Variants in GLYATL2 observed in about 807,000 individuals in gnomAD.
The protein encoded by GLYATL2 is glycine N-acyltransferase-like protein 2.
Under a neutral mutation model 21.4 loss-of-function variants are expected in GLYATL2, and 25 were observed. That is an observed-to-expected ratio of 1.17 (90% CI 0.85 to 1.63). The LOEUF (loss-of-function observed/expected upper bound fraction) is 1.63. GLYATL2 is among the 40% of genes most tolerant of loss of function. The probability of loss-of-function intolerance (pLI) is 0.00; values close to 1 mark genes in which losing one functional copy is unlikely to be tolerated. For missense variants in GLYATL2, 361 were observed against 343.3 expected, an observed-to-expected ratio of 1.05 and a Z score of -0.41; for synonymous variants, 114 against 118.2, an observed-to-expected ratio of 0.96 and a Z score of 0.23.
At chr11:58,852,644 C>CT (rs1355620868) in intron 1 of GLYATL2, among the ~76,000 whole-genome samples, 3 of 152,174 alleles carry the variant, frequency 2.0e-5, no homozygotes, top group Non-Finnish European at 4.4e-5. Context: ...GCCACAGAAC[C>CT]TTTGCCAAGA....
intron 3 of GLYATL2, among the ~76,000 whole-genome samples, chr11:58,837,860 G>C (rs1853468445): frequency 6.6e-6 from 1 of 152,204 alleles, no homozygotes; most frequent in Admixed American, 6.5e-5. Context: ...CAGAGCCAGA[G>C]TAGTACCTAG....
chr11:58,905,453 A>G (rs541967442), upstream of GLYATL2: 7 of 455,912 alleles, frequency 1.5e-5, no homozygotes, highest in Admixed American at 2.3e-5. Context: ...CAATGGCCAC[A>G]CACCGAAGCA....
intron 1 of GLYATL2, among the ~76,000 whole-genome samples, chr11:58,890,715 ATCT>A (rs1196162315): frequency 6.6e-6 from 1 of 151,788 alleles, no homozygotes; most frequent in Non-Finnish European, 1.5e-5. Flanking sequence ...GTAGTATATA[ATCT>A]TCTATTATAA....
At position 58,852,700 on chromosome 11, in the gene GLYATL2, A is replaced by G. The variant is rs569523332; in HGVS notation, n.61-14332T>C. Reference sequence around the variant, plus strand: ...GACAAATATTCTTCTTCTAATTGCCATCAGCTATTTGAGACCATATTATCT... The same window carrying G: ...GACAAATATTCTTCTTCTAATTGCCGTCAGCTATTTGAGACCATATTATCT... On this transcript the variant is annotated intron_variant and non_coding_transcript_variant, in intron 1 of 4. Transcript: ENST00000533636. Among the ~76,000 whole-genome samples, 371 of 152,322 alleles carry G rather than the reference A, an allele frequency of 2.4e-3. 6 individuals carry two copies. The highest frequency in any genetic ancestry group is 6.0e-4 in the Non-Finnish European group (41 of 68,032).
chr11:58,881,706 T>C (rs1854338360), intron 1 of GLYATL2, among the ~76,000 whole-genome samples: 2 of 152,188 alleles, frequency 1.3e-5, no homozygotes, highest in South Asian at 4.2e-4. Context: ...TCATTTACAA[T>C]AGTTATTTCT....
Position 58,891,863 on chromosome 11 carries a change from G to A in GLYATL2, n.60+12293C>T, listed in dbSNP as rs933528967. Among the ~76,000 whole-genome samples, 7 of 152,266 alleles carry A rather than the reference G, an allele frequency of 4.6e-5. No homozygotes were observed. In the East Asian group the frequency reaches 5.8e-4, roughly 13 times the overall value. ...GCAATCTTGATTGTGCTGGGTGCTC[G>A]GTGATGCTGTATATAAAATAAGGTA... On this transcript the variant is annotated intron_variant and non_coding_transcript_variant, in intron 1 of 4. Transcript: ENST00000533636.
intron 1 of GLYATL2, among the ~76,000 whole-genome samples, chr11:58,898,999 G>T (rs1240224259): frequency 6.6e-6 from 1 of 151,954 alleles, no homozygotes; most frequent in African/African-American, 2.4e-5. Context: ...TTACACTCAG[G>T]GGACTGATGC....
intron 1 of GLYATL2, among the ~76,000 whole-genome samples, chr11:58,897,405 CT>C (rs1854653070): frequency 6.6e-6 from 1 of 152,150 alleles, no homozygotes; most frequent in African/African-American, 2.4e-5. Context: ...AAGGTCACCC[CT>C]GTGGATAACA....
At chr11:58,843,651 G>A (rs1853592450) in intron 1 of GLYATL2, among the ~76,000 whole-genome samples, 1 of 152,140 alleles carries the variant, frequency 6.6e-6, no homozygotes, top group Admixed American at 6.5e-5. Context: ...GACCAATAAA[G>A]TAAGAAAATA....
chr11:58,853,669 C>T (rs566234876), intron 1 of GLYATL2, among the ~76,000 whole-genome samples: 24 of 152,074 alleles, frequency 1.6e-4, no homozygotes, highest in African/African-American at 4.8e-4. Flanking sequence ...GTAGTGAATA[C>T]GTTTTCTAAT....
At chr11:58,907,348 G>A (rs1372069168), upstream of GLYATL2, 4 of 456,112 alleles carry the variant, frequency 8.8e-6, no homozygotes, top group African/African-American at 2.0e-5. Context: ...CCTTCCTTGC[G>A]ACACTGGCCT....
chr11:58,898,793 A>T (rs564012427), intron 1 of GLYATL2, among the ~76,000 whole-genome samples: 1 of 152,258 alleles, frequency 6.6e-6, no homozygotes, highest in South Asian at 2.1e-4. Flanking sequence ...AGATCGCGCC[A>T]CTGCACTTCA....
chr11:58,860,937 T>C (rs531722334), intron 1 of GLYATL2, among the ~76,000 whole-genome samples: 3 of 152,186 alleles, frequency 2.0e-5, no homozygotes, highest in African/African-American at 7.2e-5. Flanking sequence ...TGCATCCCTA[T>C]GTTAAAGCCC....
At chr11:58,877,292 A>C (rs910892721) in intron 1 of GLYATL2, among the ~76,000 whole-genome samples, 1 of 151,992 alleles carries the variant, frequency 6.6e-6, no homozygotes, top group Non-Finnish European at 1.5e-5. Context: ...TGCACCCGCT[A>C]TACAGCACTC....
chr11:58,895,828 A>G (rs985557066), intron 1 of GLYATL2, among the ~76,000 whole-genome samples: 4 of 152,140 alleles, frequency 2.6e-5, no homozygotes, highest in Admixed American at 1.3e-4. Context: ...GGATACCTGG[A>G]AGCCAGGCAT....
intron 1 of GLYATL2, among the ~76,000 whole-genome samples, chr11:58,897,588 C>G (rs970081100): frequency 2.0e-5 from 3 of 152,108 alleles, no homozygotes; most frequent in Non-Finnish European, 2.9e-5. Context: ...TGCACACACA[C>G]ACACATCCTC....
At chr11:58,840,420 A>C (rs962710818) in intron 1 of GLYATL2, among the ~76,000 whole-genome samples, 1 of 152,186 alleles carries the variant, frequency 6.6e-6, no homozygotes, top group Admixed American at 6.5e-5. Flanking sequence ...CAAGTTAATG[A>C]TGGTGTATCC....
chr11:58,900,824 GGAAGCT>G (rs1854724910), intron 1 of GLYATL2, among the ~76,000 whole-genome samples: 2 of 152,134 alleles, frequency 1.3e-5, no homozygotes, highest in Admixed American at 6.5e-5. Context: ...TGGCTTTCAT[GGAAGCT>G]ACCATTGGCT....
chr11:58,851,946 T>C (rs764429385), intron 1 of GLYATL2, among the ~76,000 whole-genome samples: 16 of 152,270 alleles, frequency 1.1e-4, no homozygotes, highest in East Asian at 7.7e-4. Context: ...AATTCAAAGG[T>C]AGAGTTTGCA....
Sources: gnomAD v4.1 joint callset for allele counts (sites outside exome capture counted in the v4.1 genomes callset) on GRCh38, gnomAD v4.1.1 for gene constraint, MANE v1.5 for transcripts, NCBI Gene and HGNC (gene_info 2026-07-23, HGNC 2026-07-21) for gene names.